ATP8A1: variants seen among roughly 807,000 people sequenced by gnomAD.
ATP8A1 encodes the protein phospholipid-transporting ATPase IA.
A neutral mutation model predicts 177.7 loss-of-function variants in ATP8A1; 90 were observed. The observed-to-expected ratio is 0.51, with a 90% CI of 0.43 to 0.60. The LOEUF (loss-of-function observed/expected upper bound fraction) is 0.60, where lower values mean the gene tolerates loss of function less well. Among genes scored for constraint, ATP8A1 ranks in the 20% least tolerant of loss-of-function variants. The probability of loss-of-function intolerance (pLI) is 0.00; values close to 1 mark genes in which losing one functional copy is unlikely to be tolerated. For synonymous variants in ATP8A1, 493 were observed against 485.9 expected (o/e 1.01, Z -0.19); for missense variants, 1,072 against 1,392.8 (o/e 0.77, Z 3.67).
At chr4:42,650,722 A>G (rs1224382888) in intron 1 of ATP8A1, among the ~76,000 whole-genome samples, 1 of 152,218 alleles carries the variant, frequency 6.6e-6, no homozygotes, top group Non-Finnish European at 1.5e-5. Flanking sequence ...GCATTATAGT[A>G]TTCAACAGAA....
intron 26 of ATP8A1, 35 bp from the exon 27 acceptor site, chr4:42,464,835 T>A (rs769986484): frequency 6.2e-7 from 1 of 1,611,702 alleles, no homozygotes; most frequent in East Asian, 2.2e-5. Flanking sequence ...AGTATTTTCC[T>A]TTTCAAAGCA....
At chr4:42,579,618 G>T (rs771282891) in intron 11 of ATP8A1, among the ~76,000 whole-genome samples, 195 bp downstream of exon 11, 1 of 151,720 alleles carries the variant, frequency 6.6e-6, no homozygotes. Context: ...TGTTTTTAAG[G>T]ATTCTGAAAT....
intron 4 of ATP8A1, 132 bp downstream of exon 4, chr4:42,624,404 T>C: frequency 2.1e-6 from 1 of 478,146 alleles, no homozygotes; most frequent in Non-Finnish European, 3.7e-6. Context: ...GAACATATTC[T>C]AGACATTTTG....
intron 3 of ATP8A1, 56 bp downstream of exon 3, chr4:42,625,558 G>C (rs540610896): frequency 8.0e-7 from 1 of 1,242,398 alleles, no homozygotes; most frequent in Admixed American, 2.1e-5. Flanking sequence ...ATTGGTCACG[G>C]GCTTAACATT....
intron 22 of ATP8A1, among the ~76,000 whole-genome samples, chr4:42,511,683 G>T (rs1471247601): frequency 6.6e-6 from 1 of 152,176 alleles, no homozygotes; most frequent in African/African-American, 2.4e-5. Context: ...AAAGCTTCAT[G>T]TAGTTTGGTA....
intron 1 of ATP8A1, among the ~76,000 whole-genome samples, chr4:42,635,541 A>ACT (rs1238255604): frequency 6.6e-6 from 1 of 151,762 alleles, no homozygotes; most frequent in African/African-American, 2.4e-5. Flanking sequence ...TAACAGGGAA[A>ACT]CTAGACAGAG....
At chr4:42,449,985 T>C (rs903258910) in intron 30 of ATP8A1, among the ~76,000 whole-genome samples, 1 of 152,242 alleles carries the variant, frequency 6.6e-6, no homozygotes, top group Non-Finnish European at 1.5e-5. Flanking sequence ...ATACCTTATC[T>C]TTCAAACCTA....
intron 22 of ATP8A1, among the ~76,000 whole-genome samples, chr4:42,516,317 C>T (rs1375875294): frequency 2.0e-5 from 3 of 152,076 alleles, no homozygotes; most frequent in Non-Finnish European, 4.4e-5. Flanking sequence ...TGAGTTTACT[C>T]TTAAGCTCAG....
chr4:42,507,803 A>AACAAAAC (rs1302165324), intron 22 of ATP8A1, among the ~76,000 whole-genome samples: 15 of 146,780 alleles, frequency 1.0e-4, no homozygotes, highest in South Asian at 4.3e-4. Context: ...AAAAAAAAAA[A>AACAAAAC]AAAAAACATA....
chr4:42,559,069 C>T (rs957403250), intron 15 of ATP8A1, among the ~76,000 whole-genome samples: 7 of 152,054 alleles, frequency 4.6e-5, no homozygotes, highest in African/African-American at 1.4e-4. Context: ...GTGTGTAATC[C>T]CAGCTACTTG....
At position 42,409,167 on chromosome 4, in the gene ATP8A1, T is replaced by C. The variant is rs1179725139; in HGVS notation, c.*3749A>G. 1 of 152,172 alleles carries C rather than the reference T, an allele frequency of 6.6e-6. No homozygotes were observed. The highest frequency in any genetic ancestry group is 2.4e-5 in the African/African-American group (1 of 41,458). The allele number at this position is 152,172 out of a possible 1,614,324, so 9.4% of individuals were successfully genotyped here. On this transcript the variant is annotated 3_prime_UTR_variant, in exon 37 of 37. Transcript: ENST00000381668. ...AAATAAACATCAAGATTTACAGCAA[T>C]AGCCATGCATTGGCCTGGATCACTT... is the stretch of plus-strand genomic sequence containing the variant.
At chr4:42,539,048 C>A (rs1266434322) in intron 20 of ATP8A1, among the ~76,000 whole-genome samples, 1 of 152,106 alleles carries the variant, frequency 6.6e-6, no homozygotes, top group African/African-American at 2.4e-5. Flanking sequence ...AATGTGGTAT[C>A]TGTATATACC....
At chr4:42,575,436 T>G (rs1372881847) in intron 13 of ATP8A1, among the ~76,000 whole-genome samples, 186 bp downstream of exon 13, 4 of 152,324 alleles carry the variant, frequency 2.6e-5, no homozygotes, top group South Asian at 2.1e-4. Flanking sequence ...AAAATCTCCT[T>G]GAGACAGTGT....
At chr4:42,574,521 A>G in intron 14 of ATP8A1, 98 bp downstream of exon 14, 1 of 939,090 alleles carries the variant, frequency 1.1e-6, no homozygotes, top group Non-Finnish European at 1.6e-6. Flanking sequence ...AAAACCAAAC[A>G]ACCCCATACC....
At chr4:42,485,006 A>G (rs921487198) in intron 25 of ATP8A1, among the ~76,000 whole-genome samples, 2 of 152,224 alleles carry the variant, frequency 1.3e-5, no homozygotes, top group Admixed American at 6.5e-5. Flanking sequence ...TTAGGCCTTG[A>G]TAACTCAAAA....
intron 4 of ATP8A1, among the ~76,000 whole-genome samples, chr4:42,618,550 G>A (rs181361436): frequency 1.3e-5 from 2 of 152,210 alleles, no homozygotes; most frequent in African/African-American, 4.8e-5. Context: ...ACCCAAACCA[G>A]GAAATTCATT....
At chr4:42,484,961 G>A (rs1295005813) in intron 25 of ATP8A1, among the ~76,000 whole-genome samples, 2 of 152,168 alleles carry the variant, frequency 1.3e-5, no homozygotes, top group Non-Finnish European at 2.9e-5. Flanking sequence ...GGAAGGACTG[G>A]AGCTATGTCG....
intron 20 of ATP8A1, among the ~76,000 whole-genome samples, chr4:42,527,979 G>T (rs1275195464): frequency 1.3e-5 from 2 of 152,090 alleles, no homozygotes; most frequent in South Asian, 4.1e-4. Flanking sequence ...TTTGCACTGG[G>T]GAAAGGGAAA....
At chr4:42,425,090 G>A (rs1214645712) in intron 33 of ATP8A1, among the ~76,000 whole-genome samples, 3 of 152,110 alleles carry the variant, frequency 2.0e-5, no homozygotes, top group African/African-American at 7.2e-5. Flanking sequence ...ATTGAAAGAA[G>A]CTTTCTAGTA....
Sources: allele counts gnomAD v4.1 joint callset (sites outside exome capture counted in the v4.1 genomes callset), GRCh38; gene constraint gnomAD v4.1.1; transcripts MANE v1.5; gene names NCBI Gene and HGNC (gene_info 2026-07-23, HGNC 2026-07-21).